PDE6C: variants seen among roughly 807,000 people sequenced by gnomAD.
PDE6C encodes the protein cone cGMP-specific 3',5'-cyclic phosphodiesterase subunit alpha'.
PDE6C carries 75 observed loss-of-function variants against 113.1 expected under a neutral mutation model. That is an observed-to-expected ratio of 0.66 (90% CI 0.55 to 0.80). The LOEUF is 0.80. PDE6C is among the 30% of genes least tolerant of loss of function. PDE6C has a pLI of 0.00. For synonymous variants in PDE6C, 375 were observed against 363.7 expected (o/e 1.03, Z -0.35); for missense variants, 912 against 1,038.6 (o/e 0.88, Z 1.67).
At position 93,640,553 on chromosome 10, in the gene PDE6C, T is replaced by C. The variant is rs1247424607; in HGVS notation, c.1733T>C (p.Leu578Pro). The C allele has an allele frequency of 6.2e-7, 1 of 1,603,476 alleles. No individual in the cohort carries two copies. Among genetic ancestry groups the C allele is most frequent in the Non-Finnish European group, 8.5e-7 (1 of 1,170,408 alleles). Residue 578 changes from leucine (L) to proline (P), a missense_variant, in exon 13 of 22, where the codon CTG becomes CCG. Leu to Pro is a moderately conservative substitution (Grantham distance 98). Coordinates refer to ENST00000371447, the MANE Select transcript of PDE6C (RefSeq NM_006204.4). The part of the protein sequence containing the change: ...FNVGQTMFTL[L>P]MTGRLKKYYT... ...GTGGGGCAGACCATGTTTACTTTGC[T>C]GATGGTAGGTACAGAGGGCTGTAAA...
chr10:93,619,717 C>T (rs949671256), intron 1 of PDE6C, among the ~76,000 whole-genome samples: 4 of 152,170 alleles, frequency 2.6e-5, no homozygotes, highest in Non-Finnish European at 4.4e-5. Context: ...TGAACCACCC[C>T]GCCCAGCCTC....
At chr10:93,657,627 ATAGAG>A (rs554018002) in intron 16 of PDE6C, among the ~76,000 whole-genome samples, 107 of 152,222 alleles carry the variant, frequency 7.0e-4, no homozygotes, top group African/African-American at 2.0e-3. Flanking sequence ...TTTTAACTGA[ATAGAG>A]TATTCAACTG....
chr10:93,617,263 T>A (rs890510678), intron 1 of PDE6C, among the ~76,000 whole-genome samples: 16 of 152,178 alleles, frequency 1.1e-4, no homozygotes, highest in Admixed American at 4.6e-4. Context: ...TTTGAGCTAG[T>A]GAAAATAAAA....
At chr10:93,627,100 T>TA (rs1329188295) in intron 7 of PDE6C, among the ~76,000 whole-genome samples, 2 of 151,714 alleles carry the variant, frequency 1.3e-5, no homozygotes, top group African/African-American at 4.8e-5. Flanking sequence ...CCGTCTCTAC[T>TA]AAAAATACAA....
chr10:93,636,365 GCTTTGTGTGT>G (rs1354330958), intron 10 of PDE6C, among the ~76,000 whole-genome samples: 4 of 23,394 alleles, frequency 1.7e-4, no homozygotes, highest in South Asian at 1.5e-3. Context: ...TATTTCCCTG[GCTTTGTGTGT>G]GTGTGTGTGT....
At chr10:93,638,915 A>G (rs73329319) in intron 11 of PDE6C, among the ~76,000 whole-genome samples, 1,827 of 152,278 alleles carry the variant, frequency 0.012, 40 homozygotes, top group African/African-American at 0.041. Context: ...TTAAATAGCT[A>G]TATACCATTC....
At chr10:93,639,141 T>C (rs2058547457) in intron 11 of PDE6C, among the ~76,000 whole-genome samples, 1 of 152,168 alleles carries the variant, frequency 6.6e-6, no homozygotes, top group South Asian at 2.1e-4. Context: ...TCTTAGCACT[T>C]TCTCACCCAC....
At position 93,625,588 on chromosome 10, in the gene PDE6C, A is replaced by G. The variant is rs763386959; in HGVS notation, c.878A>G (p.Glu293Gly). The G allele has an allele frequency of 7.4e-6, 12 of 1,612,812 alleles. No homozygotes were observed. The highest frequency in any genetic ancestry group is 1.0e-5 in the Non-Finnish European group (12 of 1,178,904). The change falls in exon 5 of 22, where the codon GAA (glutamate) becomes GGA (glycine). Residue 293 changes from glutamate to glycine, a missense_variant. Physicochemically the swap from Glu to Gly is moderately conservative, Grantham distance 98. Coordinates refer to ENST00000371447, the MANE Select transcript of PDE6C (RefSeq NM_006204.4). Reference sequence around the variant, plus strand: ...GATTGCCTCCAGGAATTCTACGATGAATGGCCAATCAAGCTTGGAGAAGTA... The same window carrying G: ...GATTGCCTCCAGGAATTCTACGATGGATGGCCAATCAAGCTTGGAGAAGTA... ...DMTKEKEFYD[E>G]WPIKLGEVEP...
chr10:93,653,664 A>C (rs1258238375), intron 15 of PDE6C, among the ~76,000 whole-genome samples: 1 of 151,892 alleles, frequency 6.6e-6, no homozygotes, highest in Non-Finnish European at 1.5e-5. Flanking sequence ...AAAAACAAAA[A>C]CAAAAACAAA....
intron 11 of PDE6C, among the ~76,000 whole-genome samples, chr10:93,639,788 G>A (rs1340841935): frequency 1.3e-5 from 2 of 152,164 alleles, no homozygotes; most frequent in African/African-American, 4.8e-5. Context: ...TGAAAGAAAA[G>A]AGCTACTGGA....
At chr10:93,616,820 A>G (rs1303172815) in intron 1 of PDE6C, among the ~76,000 whole-genome samples, 1 of 152,002 alleles carries the variant, frequency 6.6e-6, no homozygotes, top group Admixed American at 6.6e-5. Flanking sequence ...TGCCCAGCTA[A>G]TTTTTGTATT....
chr10:93,659,437 G>T (rs572149687), intron 18 of PDE6C, among the ~76,000 whole-genome samples: 1 of 152,230 alleles, frequency 6.6e-6, no homozygotes, highest in East Asian at 1.9e-4. Flanking sequence ...TTTAAATAGA[G>T]GAGTGTATTA....
rs368857892 is a variant in PDE6C at position 93,640,183 on chromosome 10, A to G, written c.1596A>G (p.Ile532Met). 12 of 1,613,492 alleles carry G rather than the reference A, an allele frequency of 7.4e-6. No individual in the cohort carries two copies. In the African/African-American group the frequency reaches 1.6e-4, roughly 22 times the overall value. Reference protein sequence around the residue: ...IKCGIRLFFEINVVEKFKVPV... With the variant: ...IKCGIRLFFEMNVVEKFKVPV... Reference sequence around the variant, plus strand: ...GTGGAATACGACTGTTTTTTGAAATAAATGTGGTGGAGAAATTCAAAGTAC... The same window carrying G: ...GTGGAATACGACTGTTTTTTGAAATGAATGTGGTGGAGAAATTCAAAGTAC... Residue 532 changes from isoleucine to methionine, a missense_variant, in exon 12 of 22, where the codon ATA (isoleucine) becomes ATG (methionine). Transcript: ENST00000371447.
rs1313173399 is a variant in PDE6C at position 93,636,989 on chromosome 10, T to C, written c.1414-6T>C. The C allele has an allele frequency of 6.5e-7, 1 of 1,542,676 alleles. No individual in the cohort carries two copies. Among genetic ancestry groups the C allele is most frequent in the South Asian group, 1.1e-5 (1 of 89,412 alleles). Reference sequence around the variant, plus strand: ...ATTTCACACCTCAATTGCTTTTACATTTTAGAAATTTCAAGAGAAGTTAAA... The same window carrying C: ...ATTTCACACCTCAATTGCTTTTACACTTTAGAAATTTCAAGAGAAGTTAAA... On this transcript the variant is annotated splice_polypyrimidine_tract_variant and splice_region_variant and intron_variant, in intron 10 of 21. Transcript: ENST00000371447.
At chr10:93,659,569 TGAAG>T (rs2058656569) in intron 18 of PDE6C, among the ~76,000 whole-genome samples, 1 of 152,124 alleles carries the variant, frequency 6.6e-6, no homozygotes, top group African/African-American at 2.4e-5. Flanking sequence ...TGGTGGAAGA[TGAAG>T]GAAGAGCAAA....
chr10:93,652,770 A>G (rs1044864188), intron 15 of PDE6C, among the ~76,000 whole-genome samples: 1 of 152,178 alleles, frequency 6.6e-6, no homozygotes, highest in Non-Finnish European at 1.5e-5. Context: ...ACATTAAGCA[A>G]TATGCACTAA....
At chr10:93,634,714 CT>C in intron 8 of PDE6C, 43 bp from the exon 9 acceptor site, 1 of 1,609,232 alleles carries the variant, frequency 6.2e-7, no homozygotes, top group Non-Finnish European at 8.5e-7. Context: ...TTATTTCAAA[CT>C]AAAAAGGCAA....
chr10:93,633,325 G>A (rs916121206), intron 8 of PDE6C, among the ~76,000 whole-genome samples: 1 of 151,832 alleles, frequency 6.6e-6, no homozygotes, highest in African/African-American at 2.4e-5. Context: ...AATTAGCCAG[G>A]CTTGGTGGGG....
chr10:93,631,049 A>G (rs1039034693), intron 8 of PDE6C, among the ~76,000 whole-genome samples: 3 of 152,230 alleles, frequency 2.0e-5, no homozygotes, highest in African/African-American at 7.2e-5. Context: ...CTGGCCCAGG[A>G]GAATGCAGGC....
Sources: allele counts gnomAD v4.1 joint callset (sites outside exome capture counted in the v4.1 genomes callset), GRCh38; gene constraint gnomAD v4.1.1; transcripts MANE v1.5; gene names NCBI Gene and HGNC (gene_info 2026-07-23, HGNC 2026-07-21).